The following KCNQ2 variants were observed in gnomAD, a reference collection of about 807,000 sequenced individuals.
KCNQ2 encodes the protein potassium voltage-gated channel subfamily KQT member 2.
A neutral mutation model predicts 84.8 loss-of-function variants in KCNQ2; 14 were observed. The observed-to-expected ratio is 0.17, with a 90% CI of 0.11 to 0.26. The LOEUF (loss-of-function observed/expected upper bound fraction) is 0.26. KCNQ2 is among the 10% of genes least tolerant of loss of function. The pLI, the probability that KCNQ2 is intolerant of heterozygous loss-of-function variation, is 1.00. For synonymous variants in KCNQ2, 599 were observed against 554.1 expected (o/e 1.08, Z -1.14); for missense variants, 788 against 1,254.0 (o/e 0.63, Z 5.61).
chr20:63,409,481 G>A (rs2080048190), intron 15 of KCNQ2, among the ~76,000 whole-genome samples: 1 of 152,228 alleles, frequency 6.6e-6, no homozygotes, highest in Admixed American at 6.5e-5. Context: ...GGGCTGGCAG[G>A]GGCCACCACG....
In KCNQ2 at chr20:63,419,457, C is replaced by T. The variant is rs1057243965; in HGVS notation, c.1301+162G>A. Among the ~76,000 whole-genome samples the T allele has an allele frequency of 4.6e-5, 7 of 152,216 alleles. No individual in the cohort carries two copies. The South Asian group carries it at 6.2e-4, about 13-fold the overall frequency. ...CCAGCTCCGCCCTGCACGCAGCTGTCGGCTAGAATAGAGGGAGCTGAGCCC... is the reference window on the plus strand; with the variant it reads ...CCAGCTCCGCCCTGCACGCAGCTGTTGGCTAGAATAGAGGGAGCTGAGCCC... On this transcript the variant is annotated intron_variant, in intron 12 of 16. Transcript: ENST00000359125.
In KCNQ2 at chr20:63,472,087, C is replaced by G. The variant is rs2082230132; in HGVS notation, c.296+81G>C. 13 of 1,098,620 alleles carry G rather than the reference C, an allele frequency of 1.2e-5. No individual in the cohort carries two copies. In the East Asian group the frequency reaches 4.0e-4, roughly 34 times the overall value. The allele number at this position is 1,098,620 out of a possible 1,614,324, so 68.1% of individuals were successfully genotyped here. A position where few individuals can be genotyped will look rare whatever the true frequency, so the allele number is the denominator to read the frequency against. On this transcript the variant is annotated intron_variant, in intron 1 of 16. Transcript: ENST00000359125. ...GGGCAGGGAGCCAAACCCGCCGCAG[C>G]CAGCCTGGCCGGGGTCGCCGATGGG...
intron 9 of KCNQ2, among the ~76,000 whole-genome samples, chr20:63,429,355 T>C (rs1360408730): frequency 6.7e-6 from 1 of 149,408 alleles, no homozygotes; most frequent in African/African-American, 2.5e-5. Context: ...ATCCACGGCC[T>C]CCACCCCTCC....
intron 1 of KCNQ2, among the ~76,000 whole-genome samples, chr20:63,454,471 G>A (rs2081715057): frequency 6.6e-6 from 1 of 152,242 alleles, no homozygotes; most frequent in African/African-American, 2.4e-5. Flanking sequence ...GCCCGTCTGG[G>A]GGACGCAAAG....
rs147274045 is a variant in KCNQ2, at chr20:63,406,719, C to T, written c.2544G>A (p.Pro848=). 4.3e-3 allele frequency: 6,985 copies of T among 1,606,460 alleles called. 17 individuals are homozygous for T. Among genetic ancestry groups the T allele is most frequent in the Non-Finnish European group, 5.1e-3 (5,982 of 1,177,604 alleles). ...ESDTDSDLCT[P]CGPPPRSATG... ...TGGCCGAGCGTGGCGGGGGCCCGCACGGGGTACAGAGGTCGGAGTCGGTGT... is the reference window on the plus strand; with the variant it reads ...TGGCCGAGCGTGGCGGGGGCCCGCATGGGGTACAGAGGTCGGAGTCGGTGT... The change falls in exon 17 of 17, where the codon CCG becomes CCA. Residue 848 remains proline, a synonymous_variant. Transcript: ENST00000359125.
At chr20:63,451,489 C>T (rs2081614482) in intron 1 of KCNQ2, among the ~76,000 whole-genome samples, 1 of 152,162 alleles carries the variant, frequency 6.6e-6, no homozygotes, top group African/African-American at 2.4e-5. Context: ...GGGGACTCCA[C>T]GTAGCTCGTG....
intron 1 of KCNQ2, among the ~76,000 whole-genome samples, chr20:63,456,134 GCCCACAGGCCCCCCAC>G (rs1374761321): frequency 6.1e-5 from 8 of 131,454 alleles, no homozygotes; most frequent in African/African-American, 2.4e-4. Context: ...AGGCCCCTCT[GCCCACAGGCCCCCCAC>G]CTCCGGGAGA....
At chr20:63,452,192 AG>A (rs2081633294) in intron 1 of KCNQ2, among the ~76,000 whole-genome samples, 1 of 131,190 alleles carries the variant, frequency 7.6e-6, no homozygotes, top group Admixed American at 7.4e-5. Flanking sequence ...CACATTTTAA[AG>A]CGTCTCATGT....
At chr20:63,435,530 G>A (rs977188305) in intron 7 of KCNQ2, among the ~76,000 whole-genome samples, 2 of 152,196 alleles carry the variant, frequency 1.3e-5, no homozygotes, top group Non-Finnish European at 2.9e-5. Context: ...TGGGATGGAC[G>A]GTGAACACTG....
At position 63,438,536 on chromosome 20, in the gene KCNQ2, C is replaced by T; in HGVS notation, c.1023+89G>A. On this transcript the variant is annotated intron_variant, in intron 7 of 16. Transcript: ENST00000359125. This position sits in a 1 kb window ranked among gnomAD's most constrained non-coding sequence, Gnocchi z 5.1. ...CGCTGTGGCCCATCCACAGACAGGG[C>T]AATGCCAAAGCCCCAGCGGCCTCCA... 1 of 1,073,202 alleles carries T rather than the reference C, an allele frequency of 9.3e-7. No homozygotes were observed. Among genetic ancestry groups the T allele is most frequent in the East Asian group, 2.4e-5 (1 of 42,480 alleles). The allele number at this position is 1,073,202 out of a possible 1,614,324, so 66.5% of individuals were successfully genotyped here. A position where few individuals can be genotyped will look rare whatever the true frequency, so the allele number is the denominator to read the frequency against.
chr20:63,439,934 G>A (rs1054989763), intron 5 of KCNQ2: 12 of 613,570 alleles, frequency 2.0e-5, no homozygotes, highest in Non-Finnish European at 2.9e-5. Context: ...TCCAGCCAAA[G>A]GCTGTGTCCC....
chr20:63,419,958 A>AT (rs1283844507), intron 11 of KCNQ2, among the ~76,000 whole-genome samples: 2 of 152,006 alleles, frequency 1.3e-5, no homozygotes, highest in African/African-American at 4.8e-5. Flanking sequence ...AAGATGTATT[A>AT]TTTTTTGCAG....
Position 63,408,176 on chromosome 20 carries a change from G to A in KCNQ2, c.1887+237C>T. 1 of 548,854 alleles carries A rather than the reference G, an allele frequency of 1.8e-6. No homozygotes were observed. The highest frequency in any genetic ancestry group is 3.3e-6 in the Non-Finnish European group (1 of 304,612). 34.0% of individuals were successfully genotyped at this position (548,854 alleles called of 1,614,324 possible). On this transcript the variant is annotated intron_variant, in intron 16 of 16. Transcript: ENST00000359125. This position sits in a 1 kb window ranked among gnomAD's most constrained non-coding sequence, Gnocchi z 5.0. ...TCAGCAGCCCCCACCCAGGACTCCT[G>A]GGGACTTTGGCCCTTGGGTACTGTC...
At chr20:63,437,895 C>T (rs1366653972) in intron 7 of KCNQ2, among the ~76,000 whole-genome samples, 2 of 152,138 alleles carry the variant, frequency 1.3e-5, no homozygotes, top group East Asian at 1.9e-4. Context: ...CTGCAACCTC[C>T]GCCTCCCTGG....
intron 9 of KCNQ2, 62 bp downstream of exon 9, chr20:63,431,278 A>C (rs531814304): frequency 1.8e-5 from 29 of 1,594,070 alleles, no homozygotes; most frequent in Middle Eastern, 3.3e-4. Flanking sequence ...GCCCGGTCAC[A>C]GTTCCAGACA....
chr20:63,413,187 G>T, intron 15 of KCNQ2: 1 of 525,560 alleles, frequency 1.9e-6, no homozygotes, highest in Non-Finnish European at 3.6e-6. Context: ...ACACACACAT[G>T]CACACACACA....
intron 1 of KCNQ2, among the ~76,000 whole-genome samples, chr20:63,469,514 G>T (rs2082157903): frequency 6.6e-6 from 1 of 152,248 alleles, no homozygotes; most frequent in African/African-American, 2.4e-5. Flanking sequence ...GGGGCCATGG[G>T]GCAGCAGCCA....
intron 5 of KCNQ2, among the ~76,000 whole-genome samples, chr20:63,441,363 G>A (rs988403549): frequency 2.6e-5 from 4 of 152,002 alleles, no homozygotes; most frequent in Non-Finnish European, 5.9e-5. Context: ...AAACCCCAAA[G>A]AAAAACACAG....
At position 63,447,007 on chromosome 20, in the gene KCNQ2, G is replaced by A. The variant is rs2297387; in HGVS notation, c.297-170C>T. Among the ~76,000 whole-genome samples the A allele has an allele frequency of 0.66, 97,325 of 147,614 alleles. 32,132 individuals are homozygous for A. Among genetic ancestry groups the A allele is most frequent in the Middle Eastern group, 0.74 (215 of 292 alleles). On this transcript the variant is annotated intron_variant, in intron 1 of 16. Coordinates refer to ENST00000359125, the MANE Select transcript of KCNQ2 (RefSeq NM_172107.4). Reference sequence around the variant, plus strand: ...CCACCCACCCCACCAGAGCTCGCTCGGGCCAGAGGGCACCCCCATAGCCAC... The same window carrying A: ...CCACCCACCCCACCAGAGCTCGCTCAGGCCAGAGGGCACCCCCATAGCCAC...
Sources: allele counts gnomAD v4.1 joint callset (sites outside exome capture counted in the v4.1 genomes callset), GRCh38; gene constraint gnomAD v4.1.1; non-coding constraint Gnocchi (gnomAD v3.1); transcripts MANE v1.5; gene names NCBI Gene and HGNC (gene_info 2026-07-23, HGNC 2026-07-21).